DCC: variants seen among roughly 807,000 people sequenced by gnomAD.
DCC encodes DCC netrin 1 receptor.
In DCC, 58 loss-of-function variants were observed where a neutral mutation model predicts 172.5. The observed-to-expected ratio is 0.34, with a 90% CI of 0.27 to 0.42. The LOEUF (loss-of-function observed/expected upper bound fraction) is 0.42, where lower values mean the gene tolerates loss of function less well. Among genes scored for constraint, DCC ranks in the 10% least tolerant of loss-of-function variants. DCC has a pLI of 1.00. For missense variants in DCC, 1,740 were observed against 1,791.0 expected, an observed-to-expected ratio of 0.97 and a Z score of 0.51; for synonymous variants, 709 against 644.5, an observed-to-expected ratio of 1.10 and a Z score of -1.52.
At chr18:53,407,536 T>G (rs1488763651) in intron 19 of DCC, among the ~76,000 whole-genome samples, 26 of 144,912 alleles carry the variant, frequency 1.8e-4, no homozygotes, top group African/African-American at 5.2e-4. Flanking sequence ...TGGATATATA[T>G]ATATATATAT....
At chr18:52,936,561 C>T (rs183657224) in intron 5 of DCC, among the ~76,000 whole-genome samples, 2 of 73,272 alleles carry the variant, frequency 2.7e-5, no homozygotes, top group East Asian at 2.8e-4. Context: ...GAAGTAGAGG[C>T]CCCCGAGGGA....
chr18:52,413,392 T>C (rs2144408710), intron 1 of DCC, among the ~76,000 whole-genome samples: 1 of 151,944 alleles, frequency 6.6e-6, no homozygotes, highest in African/African-American at 2.4e-5. Context: ...ATAGCATGTA[T>C]AATATGATCA....
At chr18:52,765,524 A>G (rs954760099) in intron 2 of DCC, among the ~76,000 whole-genome samples, 3 of 152,104 alleles carry the variant, frequency 2.0e-5, no homozygotes, top group Non-Finnish European at 2.9e-5. Flanking sequence ...CACCTTCAGG[A>G]ACCTTTAACT....
At chr18:52,778,886 A>G (rs188615496) in intron 2 of DCC, among the ~76,000 whole-genome samples, 2 of 152,316 alleles carry the variant, frequency 1.3e-5, no homozygotes, top group East Asian at 1.9e-4. Context: ...TACCTTATCA[A>G]TATCCAATTG....
chr18:52,776,872 A>G (rs1337613756), intron 2 of DCC, among the ~76,000 whole-genome samples: 1 of 152,188 alleles, frequency 6.6e-6, no homozygotes, highest in Non-Finnish European at 1.5e-5. Context: ...ACATTGTCAG[A>G]TGCACAAGGG....
At chr18:53,318,249 A>G (rs1291561843) in intron 13 of DCC, among the ~76,000 whole-genome samples, 1 of 152,194 alleles carries the variant, frequency 6.6e-6, no homozygotes, top group African/African-American at 2.4e-5. Context: ...CCCAGTAGGC[A>G]TTCAGGACCA....
At chr18:53,142,935 T>G (rs1333282467) in intron 7 of DCC, among the ~76,000 whole-genome samples, 1 of 151,756 alleles carries the variant, frequency 6.6e-6, no homozygotes, top group Non-Finnish European at 1.5e-5. Context: ...TGAAGAGGAT[T>G]GGTCAGGTAT....
At chr18:52,700,428 G>C (rs1265863064) in intron 1 of DCC, among the ~76,000 whole-genome samples, 2 of 151,886 alleles carry the variant, frequency 1.3e-5, no homozygotes, top group Non-Finnish European at 2.9e-5. Flanking sequence ...CACACACACA[G>C]AATATTCTTC....
rs71175572 is a variant in DCC at position 53,286,970 on chromosome 18, C to CT, written c.1912-18598dup. On this transcript the variant is annotated intron_variant, in intron 12 of 28. Coordinates refer to ENST00000442544, the MANE Select transcript of DCC (RefSeq NM_005215.4). Reference sequence around the variant, plus strand: ...GCATATTGGGACTCATTATACTATTCTTTTTTTTTTGGTGGTGAAATTTTC... The same window carrying CT: ...GCATATTGGGACTCATTATACTATTCTTTTTTTTTTTGGTGGTGAAATTTTC... Among the ~76,000 whole-genome samples, 1,057 of 148,404 alleles carry CT rather than the reference C, an allele frequency of 7.1e-3. 8 individuals carry two copies. Among genetic ancestry groups the CT allele is most frequent in the Admixed American group, 0.024 (354 of 14,882 alleles).
At chr18:53,361,934 G>C (rs2057952520) in intron 15 of DCC, among the ~76,000 whole-genome samples, 1 of 152,082 alleles carries the variant, frequency 6.6e-6, no homozygotes, top group African/African-American at 2.4e-5. Flanking sequence ...TCATTTCTGA[G>C]CAGACATTAG....
At chr18:52,386,580 G>T (rs1158158040) in intron 1 of DCC, among the ~76,000 whole-genome samples, 1 of 152,008 alleles carries the variant, frequency 6.6e-6, no homozygotes, top group Non-Finnish European at 1.5e-5. Flanking sequence ...ATCTTGGAGA[G>T]CCTTGATTTT....
intron 5 of DCC, among the ~76,000 whole-genome samples, chr18:53,039,431 A>C (rs1257330613): frequency 6.6e-6 from 1 of 152,142 alleles, no homozygotes; most frequent in South Asian, 2.1e-4. Flanking sequence ...ATTCTCTGTA[A>C]GGAATATTTG....
In DCC at chr18:53,459,245, C is replaced by T. The variant is rs750512171; in HGVS notation, c.3406C>T (p.His1136Tyr). 2.9e-4 allele frequency: 476 copies of T among 1,613,760 alleles called. 2 individuals carry two copies. Among genetic ancestry groups the T allele is most frequent in the Non-Finnish European group, 3.9e-4 (466 of 1,179,792 alleles). ...TTTGTTCCATAGGAAACGGGCCACCCACAGTGCTGGCAAAAGGAAGGGCAG... is the reference window on the plus strand; with the variant it reads ...TTTGTTCCATAGGAAACGGGCCACCTACAGTGCTGGCAAAAGGAAGGGCAG... ...SAQQRKKRAT[H>Y]SAGKRKGSQK... is the part of the protein sequence containing the mutation. The change falls in exon 24 of 29, where the codon CAC becomes TAC. Residue 1136 changes from histidine (H) to tyrosine (Y), a missense_variant. Coordinates refer to ENST00000442544, the MANE Select transcript of DCC (RefSeq NM_005215.4).
chr18:52,676,472 T>G (rs1035651775), intron 1 of DCC, among the ~76,000 whole-genome samples: 1 of 152,224 alleles, frequency 6.6e-6, no homozygotes, highest in African/African-American at 2.4e-5. Context: ...GTAAATGACT[T>G]GTACCCAAAA....
intron 1 of DCC, among the ~76,000 whole-genome samples, chr18:52,704,836 G>C (rs898286935): frequency 2.0e-5 from 3 of 152,146 alleles, no homozygotes; most frequent in Non-Finnish European, 2.9e-5. Flanking sequence ...GGAGACTTTT[G>C]AGGATTTGCT....
chr18:52,449,441 A>G (rs572361401), intron 1 of DCC, among the ~76,000 whole-genome samples: 3 of 152,338 alleles, frequency 2.0e-5, no homozygotes, highest in East Asian at 1.9e-4. Flanking sequence ...GAGTCCTTAG[A>G]GCAATATTTG....
chr18:53,459,351 C>G lies in DCC; in HGVS notation c.3512C>G (p.Thr1171Ser), dbSNP rs1218133200. 6.2e-7 allele frequency: 1 copy of G among 1,613,912 alleles called. No individual in the cohort carries two copies. The highest frequency in any genetic ancestry group is 8.5e-7 in the Non-Finnish European group (1 of 1,179,930). The change falls in exon 24 of 29, where the codon ACT (threonine) becomes AGT (serine). Residue 1171 changes from threonine (T) to serine (S), a missense_variant. Physicochemically the swap from Thr to Ser is moderately conservative, Grantham distance 58 (BLOSUM62 1). This residue lies in a region of DCC where 1,732 missense variants were observed against 1,767.4 expected (regional missense o/e 0.98). Transcript: ENST00000442544. ...AAAAATATTGAAAAGCCATCTGGCA[C>G]TGACCCTGCAGGAAGGGACTCTCCC... ...EMKNIEKPSG[T>S]DPAGRDSPIQ...
intron 2 of DCC, among the ~76,000 whole-genome samples, chr18:52,871,638 A>C (rs1273284908): frequency 6.6e-6 from 1 of 152,102 alleles, no homozygotes; most frequent in Non-Finnish European, 1.5e-5. Context: ...AATTTTTTGT[A>C]GAAACAGGGT....
At chr18:52,570,034 G>T (rs1388698530) in intron 1 of DCC, among the ~76,000 whole-genome samples, 1 of 152,168 alleles carries the variant, frequency 6.6e-6, no homozygotes, top group Admixed American at 6.6e-5. Flanking sequence ...TAGTATGAGT[G>T]AACTAGTTAA....
Sources: gnomAD v4.1 joint callset for allele counts (sites outside exome capture counted in the v4.1 genomes callset) on GRCh38, gnomAD v4.1.1 for gene constraint, gnomAD v4.1.1 regional missense constraint, MANE v1.5 for transcripts, NCBI Gene and HGNC (gene_info 2026-07-23, HGNC 2026-07-21) for gene names.